The following PPP2R2B variants were observed in gnomAD, a reference collection of about 807,000 sequenced individuals.
The protein encoded by PPP2R2B is serine/threonine-protein phosphatase 2A 55 kDa regulatory subunit B beta isoform.
PPP2R2B carries 5 observed loss-of-function variants against 46.0 expected under a neutral mutation model. That is an observed-to-expected ratio of 0.11 (90% CI 0.06 to 0.23). PPP2R2B has a LOEUF of 0.23. Among genes scored for constraint, PPP2R2B ranks in the 10% least tolerant of loss-of-function variants. PPP2R2B has a pLI of 1.00. For missense variants in PPP2R2B, 367 were observed against 575.0 expected, an observed-to-expected ratio of 0.64 and a Z score of 3.70; for synonymous variants, 215 against 206.7, an observed-to-expected ratio of 1.04 and a Z score of -0.34.
intron 1 of PPP2R2B, among the ~76,000 whole-genome samples, chr5:146,892,745 A>G (rs1231464256): frequency 6.6e-6 from 1 of 152,234 alleles, no homozygotes; most frequent in African/African-American, 2.4e-5. Flanking sequence ...GCGTCATGCT[A>G]TAGCCCTCTG....
intron 2 of PPP2R2B, among the ~76,000 whole-genome samples, chr5:146,739,763 T>C (rs1210256984): frequency 1.3e-5 from 2 of 152,238 alleles, no homozygotes; most frequent in Non-Finnish European, 2.9e-5. Context: ...ATTTCTATCC[T>C]GAGATCCTTA....
intron 1 of PPP2R2B, among the ~76,000 whole-genome samples, chr5:146,937,586 C>A (rs1764194899): frequency 1.3e-5 from 2 of 152,036 alleles, no homozygotes; most frequent in Admixed American, 1.3e-4. Flanking sequence ...GGGAGGTGGC[C>A]TCTGCTCTGA....
intron 5 of PPP2R2B, among the ~76,000 whole-genome samples, chr5:146,667,736 G>T (rs1364228902): frequency 6.6e-6 from 1 of 152,008 alleles, no homozygotes; most frequent in Non-Finnish European, 1.5e-5. Flanking sequence ...CTTGCTTAGG[G>T]GCCACCTGGT....
At chr5:146,631,116 T>A (rs1357080529) in intron 7 of PPP2R2B, among the ~76,000 whole-genome samples, 2 of 152,200 alleles carry the variant, frequency 1.3e-5, no homozygotes, top group Admixed American at 6.5e-5. Flanking sequence ...GGGAACATCA[T>A]GCTGGGCTCC....
intron 1 of PPP2R2B, among the ~76,000 whole-genome samples, chr5:146,929,951 T>C (rs1763911768): frequency 6.6e-6 from 1 of 152,200 alleles, no homozygotes; most frequent in Admixed American, 6.6e-5. Context: ...AACAATGATA[T>C]AAATGCCTGT....
At chr5:146,929,864 G>A (rs934729218) in intron 1 of PPP2R2B, among the ~76,000 whole-genome samples, 2 of 152,108 alleles carry the variant, frequency 1.3e-5, no homozygotes, top group South Asian at 2.1e-4. Flanking sequence ...TATATTACAG[G>A]TTTGGGGTTA....
intron 1 of PPP2R2B, among the ~76,000 whole-genome samples, chr5:146,979,335 A>G (rs1753058959): frequency 6.6e-6 from 1 of 152,170 alleles, no homozygotes; most frequent in Admixed American, 6.5e-5. Flanking sequence ...TTTTCTCCAT[A>G]GAATTCATCA....
chr5:146,880,562 G>A (rs181380998), upstream of PPP2R2B, among the ~76,000 whole-genome samples: 4 of 152,246 alleles, frequency 2.6e-5, no homozygotes, highest in East Asian at 5.8e-4. Flanking sequence ...TTGTGCCTTC[G>A]GTTGGAATGA....
Position 146,628,219 on chromosome 5 carries a change from A to C in PPP2R2B, c.790+10032T>G, listed in dbSNP as rs1183395263. Among the ~76,000 whole-genome samples, 4 of 152,172 alleles carry C rather than the reference A, an allele frequency of 2.6e-5. No individual in the cohort carries two copies. In the East Asian group the frequency reaches 7.7e-4, roughly 29 times the overall value. On this transcript the variant is annotated intron_variant, in intron 7 of 9. Coordinates refer to ENST00000394411, the MANE Select transcript of PPP2R2B (RefSeq NM_181675.4). ...CTCAGCCTCCTAAAGTTCTGGGATT[A>C]TAGGTGTAAGCCACTGCACCTGGCC... is the stretch of plus-strand genomic sequence containing the variant.
chr5:146,643,383 A>T (rs1775357837), intron 6 of PPP2R2B, among the ~76,000 whole-genome samples: 1 of 152,218 alleles, frequency 6.6e-6, no homozygotes, highest in Non-Finnish European at 1.5e-5. Flanking sequence ...CAGTCAATAA[A>T]CAAGGTAAAT....
intron 1 of PPP2R2B, among the ~76,000 whole-genome samples, chr5:146,972,852 T>C (rs2151849440): frequency 6.6e-6 from 1 of 152,344 alleles, no homozygotes; most frequent in Admixed American, 6.5e-5. Context: ...GTTGAACTTC[T>C]AATCAATCTT....
intron 7 of PPP2R2B, among the ~76,000 whole-genome samples, chr5:146,630,442 T>C (rs1774349034): frequency 6.6e-6 from 1 of 152,182 alleles, no homozygotes; most frequent in Admixed American, 6.5e-5. Context: ...TCAATCTTAG[T>C]TGAATAAGTA....
chr5:146,652,601 G>C (rs1561805522), intron 5 of PPP2R2B, among the ~76,000 whole-genome samples: 2 of 152,178 alleles, frequency 1.3e-5, no homozygotes, highest in Admixed American at 6.5e-5. Context: ...CAGGCCAGGA[G>C]GGGAGTGAAA....
chr5:147,074,502 T>A (rs1166253263), intron 2 of PPP2R2B, among the ~76,000 whole-genome samples: 2 of 152,216 alleles, frequency 1.3e-5, no homozygotes, highest in African/African-American at 4.8e-5. Flanking sequence ...TAAGAAAGCG[T>A]ATTTGTCAAT....
chr5:146,972,981 T>G (rs1487330785), intron 1 of PPP2R2B, among the ~76,000 whole-genome samples: 1 of 152,200 alleles, frequency 6.6e-6, no homozygotes, highest in Non-Finnish European at 1.5e-5. Flanking sequence ...ATTTTAAAAA[T>G]TTTATGTAAT....
At chr5:146,825,752 T>C (rs1016692569) in intron 2 of PPP2R2B, among the ~76,000 whole-genome samples, 3 of 152,248 alleles carry the variant, frequency 2.0e-5, no homozygotes, top group Non-Finnish European at 4.4e-5. Flanking sequence ...GTTTAAAGTA[T>C]GCAGTGCTAT....
intron 2 of PPP2R2B, among the ~76,000 whole-genome samples, chr5:146,843,724 A>T (rs2151374474): frequency 6.6e-6 from 1 of 152,278 alleles, no homozygotes; most frequent in African/African-American, 2.4e-5. Context: ...GATTTCAAAA[A>T]TATACTGAAA....
At chr5:146,767,217 C>A (rs1349149238) in intron 2 of PPP2R2B, among the ~76,000 whole-genome samples, 1 of 151,926 alleles carries the variant, frequency 6.6e-6, no homozygotes, top group Non-Finnish European at 1.5e-5. Flanking sequence ...GGCTCATATC[C>A]TTCAAAATTT....
chr5:146,618,307 CAGCCTCTCGAAGCTCAAAAAGGCAGGT>C, intron 7 of PPP2R2B, among the ~76,000 whole-genome samples: 1 of 152,268 alleles, frequency 6.6e-6, no homozygotes, highest in South Asian at 2.1e-4. Context: ...GGGAGGCAGG[CAGCCTCTCGAAGCTCAAAAAGGCAGGT>C]AGCCATTCTC....
Sources: gnomAD v4.1 joint callset for allele counts (sites outside exome capture counted in the v4.1 genomes callset) on GRCh38, gnomAD v4.1.1 for gene constraint, MANE v1.5 for transcripts, NCBI Gene and HGNC (gene_info 2026-07-23, HGNC 2026-07-21) for gene names.